The following MAP3K20 variants were observed in gnomAD, a reference collection of about 807,000 sequenced individuals.
MAP3K20 encodes mitogen-activated protein kinase kinase kinase 20, also known as HCCS-4.
In MAP3K20, 40 loss-of-function variants were observed where a neutral mutation model predicts 85.7. The observed-to-expected ratio is 0.47, with a 90% CI of 0.36 to 0.61. The LOEUF is 0.61. MAP3K20 is among the 20% of genes least tolerant of loss of function. The pLI, the probability that MAP3K20 is intolerant of heterozygous loss-of-function variation, is 0.00. For missense variants in MAP3K20, 817 were observed against 961.7 expected (o/e 0.85, Z 1.99); for synonymous variants, 325 against 327.7 (o/e 0.99, Z 0.09).
intron 2 of MAP3K20, among the ~76,000 whole-genome samples, chr2:173,134,418 ATATATATATATTT>A (rs1688731253): frequency 1.6e-4 from 1 of 6,150 alleles, no homozygotes; most frequent in Admixed American, 1.8e-3. Flanking sequence ...ATATATATAT[ATATATATATATTT>A]TTTTTTTTTT....
intron 16 of MAP3K20, among the ~76,000 whole-genome samples, chr2:173,254,444 A>AG (rs1332003655): frequency 5.3e-5 from 8 of 151,882 alleles, no homozygotes; most frequent in African/African-American, 1.9e-4. Flanking sequence ...AAAAAAAAAA[A>AG]AAAAAAAAAA....
intron 2 of MAP3K20, among the ~76,000 whole-genome samples, chr2:173,121,846 C>G (rs540007380): frequency 7.9e-5 from 12 of 152,228 alleles, no homozygotes; most frequent in African/African-American, 2.9e-4. Flanking sequence ...TAGCAACAGA[C>G]AGTTCAGCCT....
rs903513737 is a variant in MAP3K20 at position 173,266,701 on chromosome 2, C to A, written c.2354C>A (p.Thr785Asn). ...CCCCACAGGCCATCTCCCGCCAAAA[C>A]CAATAAAGAGAGAGCCAGAGGGGAC... ...KKPHRPSPAK[T>N]NKERARGDHR... Residue 785 changes from threonine (T) to asparagine (N), a missense_variant, in exon 20 of 20, where the codon ACC (threonine) becomes AAC (asparagine). Transcript: ENST00000375213. The A allele has an allele frequency of 1.4e-5, 23 of 1,589,390 alleles. No individual in the cohort carries two copies. Among genetic ancestry groups the A allele is most frequent in the Middle Eastern group, 1.7e-4 (1 of 5,918 alleles).
intron 5 of MAP3K20, among the ~76,000 whole-genome samples, chr2:173,189,565 A>G (rs1023199822): frequency 3.3e-5 from 5 of 152,182 alleles, no homozygotes; most frequent in African/African-American, 1.2e-4. Context: ...GATTAGACAC[A>G]TCCACATAGA....
intron 7 of MAP3K20, among the ~76,000 whole-genome samples, chr2:173,193,600 G>C (rs1421183990): frequency 6.6e-6 from 1 of 152,140 alleles, no homozygotes; most frequent in Non-Finnish European, 1.5e-5. Flanking sequence ...AAGATGTTAA[G>C]AGTGACTTCT....
In MAP3K20 at chr2:173,235,165, G is replaced by A. The variant is rs369148678; in HGVS notation, c.1203+2706G>A. Among the ~76,000 whole-genome samples, 31 of 152,352 alleles carry A rather than the reference G, an allele frequency of 2.0e-4. 1 individual carries two copies. The East Asian group carries it at 3.5e-3, about 17-fold the overall frequency. On this transcript the variant is annotated intron_variant, in intron 14 of 19. Coordinates refer to ENST00000375213, the MANE Select transcript of MAP3K20 (RefSeq NM_016653.3). ...TTTATTAGAGAAAGTGTGAAGATGT[G>A]TTGCAAGGGTGCAATGGGCAGCACA...
At chr2:173,131,899 C>T (rs576951785) in intron 2 of MAP3K20, among the ~76,000 whole-genome samples, 2 of 152,264 alleles carry the variant, frequency 1.3e-5, no homozygotes, top group Admixed American at 1.3e-4. Context: ...GGTTTGCAAC[C>T]AGGACTGAGT....
intron 2 of MAP3K20, among the ~76,000 whole-genome samples, chr2:173,156,815 T>C (rs544944055): frequency 6.6e-6 from 1 of 152,180 alleles, no homozygotes; most frequent in Non-Finnish European, 1.5e-5. Flanking sequence ...GTTCCTGGCG[T>C]AGACAAAGTC....
intron 11 of MAP3K20, chr2:173,223,129 A>G (rs1684295850): frequency 3.0e-6 from 3 of 985,300 alleles, no homozygotes; most frequent in Admixed American, 1.2e-4. Context: ...AAAATACCAC[A>G]TAATGATCAG....
At chr2:173,106,074 A>G (rs992002470) in intron 2 of MAP3K20, among the ~76,000 whole-genome samples, 2 of 152,208 alleles carry the variant, frequency 1.3e-5, no homozygotes, top group African/African-American at 4.8e-5. Context: ...TATATCCTAC[A>G]TTTATGGGTC....
chr2:173,134,939 C>A (rs1688757691), intron 2 of MAP3K20, among the ~76,000 whole-genome samples: 1 of 152,202 alleles, frequency 6.6e-6, no homozygotes, highest in Non-Finnish European at 1.5e-5. Flanking sequence ...ACGTGACTAG[C>A]TTAGTCCTCA....
chr2:173,227,551 T>TG (rs1210460344), intron 11 of MAP3K20, among the ~76,000 whole-genome samples: 1 of 152,078 alleles, frequency 6.6e-6, no homozygotes, highest in Non-Finnish European at 1.5e-5. Flanking sequence ...CCTGCTGGAG[T>TG]GAGCGTCCAG....
intron 2 of MAP3K20, among the ~76,000 whole-genome samples, chr2:173,143,353 A>T (rs1184049212): frequency 2.0e-5 from 3 of 152,246 alleles, no homozygotes; most frequent in Non-Finnish European, 2.9e-5. Flanking sequence ...AGCAAAACTG[A>T]TAGAACTAGA....
intron 11 of MAP3K20, chr2:173,223,621 G>A: frequency 1.0e-6 from 1 of 985,356 alleles, no homozygotes; most frequent in Non-Finnish European, 1.2e-6. Context: ...GATTTTTTCT[G>A]TTGCTCTTTG....
intron 11 of MAP3K20, among the ~76,000 whole-genome samples, chr2:173,219,239 C>T (rs548364307): frequency 3.3e-5 from 5 of 152,236 alleles, no homozygotes; most frequent in South Asian, 2.1e-4. Flanking sequence ...TAGGTGGCCT[C>T]ATCTTAATTA....
intron 2 of MAP3K20, among the ~76,000 whole-genome samples, chr2:173,144,939 A>T (rs1689095413): frequency 6.6e-6 from 1 of 152,226 alleles, no homozygotes; most frequent in African/African-American, 2.4e-5. Context: ...GACATATTAT[A>T]ATCCATTGAG....
chr2:173,085,890 G>A (rs6726790), intron 1 of MAP3K20, among the ~76,000 whole-genome samples: 2,296 of 132,850 alleles, frequency 0.017, 58 homozygotes, highest in African/African-American at 0.061. Flanking sequence ...CTGCCTCTAC[G>A]GTTCGAGCAA....
In MAP3K20 at chr2:173,218,722, G is replaced by T. The variant is rs73974110; in HGVS notation, c.987+1472G>T. Among the ~76,000 whole-genome samples, 1,381 of 152,322 alleles carry T rather than the reference G, an allele frequency of 9.1e-3. 24 individuals carry two copies. The highest frequency in any genetic ancestry group is 0.03 in the African/African-American group (1,228 of 41,578). On this transcript the variant is annotated intron_variant, in intron 11 of 19. Coordinates refer to ENST00000375213, the MANE Select transcript of MAP3K20 (RefSeq NM_016653.3). ...CTTGACTCTTTCTAAATGTAGTATT[G>T]TAAGAAAAAACTTTACCCATTCATA...
intron 2 of MAP3K20, among the ~76,000 whole-genome samples, chr2:173,114,188 G>A (rs1402904093): frequency 2.0e-5 from 3 of 152,054 alleles, no homozygotes; most frequent in South Asian, 4.2e-4. Context: ...AGTTTGTTTT[G>A]TCTGATATTA....
Sources: gnomAD v4.1 joint callset for allele counts (sites outside exome capture counted in the v4.1 genomes callset) on GRCh38, gnomAD v4.1.1 for gene constraint, MANE v1.5 for transcripts, NCBI Gene and HGNC (gene_info 2026-07-23, HGNC 2026-07-21) for gene names.